FER1L5: variants seen among roughly 807,000 people sequenced by gnomAD.
FER1L5 encodes fer-1 like family member 5, also known as fer-1-like protein 5.
Under a neutral mutation model 279.9 loss-of-function variants are expected in FER1L5, and 187 were observed. The ratio of observed to expected loss-of-function variants is 0.67; its 90% CI spans 0.59 to 0.75. The LOEUF is 0.75. Ranked by LOEUF, FER1L5 falls within the 30% of genes least tolerant of loss-of-function variation. The pLI, the probability that FER1L5 is intolerant of heterozygous loss-of-function variation, is 0.00. For synonymous variants in FER1L5, 921 were observed against 989.7 expected (o/e 0.93, Z 1.30); for missense variants, 2,091 against 2,594.4 (o/e 0.81, Z 4.21).
intron 14 of FER1L5, among the ~76,000 whole-genome samples, chr2:96,668,536 A>G (rs2076209706): frequency 6.6e-6 from 1 of 152,122 alleles, no homozygotes; most frequent in African/African-American, 2.4e-5. Flanking sequence ...CCTGTCTGAA[A>G]CAAAACAAAG....
intron 9 of FER1L5, among the ~76,000 whole-genome samples, chr2:96,658,688 G>C (rs897517707): frequency 3.9e-5 from 6 of 152,026 alleles, no homozygotes; most frequent in Non-Finnish European, 5.9e-5. Flanking sequence ...ACTTGATCTA[G>C]TCCATCTTTT....
chr2:96,645,280 C>T (rs1229734074), intron 1 of FER1L5, among the ~76,000 whole-genome samples: 1 of 152,176 alleles, frequency 6.6e-6, no homozygotes, highest in Admixed American at 6.5e-5. Flanking sequence ...TGGGTAGCTC[C>T]TACAAATGGT....
intron 22 of FER1L5, 23 bp downstream of exon 22, chr2:96,686,140 T>A: frequency 6.5e-7 from 1 of 1,547,438 alleles, no homozygotes. Context: ...CACACTGGCC[T>A]GCAGCAGGGC....
chr2:96,686,004 C>A lies in FER1L5; in HGVS notation c.1960C>A (p.Leu654Ile). 2 of 1,551,440 alleles carry A rather than the reference C, an allele frequency of 1.3e-6. No homozygotes were observed. The highest frequency in any genetic ancestry group is 1.7e-6 in the Non-Finnish European group (2 of 1,146,952). ...ATSLDRKRWQ[L>I]RSLLLQELAQ... Reference sequence around the variant, plus strand: ...CAGCCTGGACAGGAAGAGGTGGCAGCTCCGCAGCCTCCTCCTGCAGGAACT... The same window carrying A: ...CAGCCTGGACAGGAAGAGGTGGCAGATCCGCAGCCTCCTCCTGCAGGAACT... The change falls in exon 22 of 53, where the codon CTC (leucine) becomes ATC (isoleucine). Residue 654 changes from leucine (L) to isoleucine (I), a missense_variant. Leu to Ile is a conservative substitution (Grantham distance 5). Transcript: ENST00000624922.
chr2:96,691,174 G>A lies in FER1L5; in HGVS notation c.2744-16G>A, dbSNP rs532182805. On this transcript the variant is annotated splice_polypyrimidine_tract_variant and intron_variant, in intron 27 of 52. Coordinates refer to ENST00000624922, the MANE Select transcript of FER1L5 (RefSeq NM_001293083.2). The surrounding 1 kb of genome is among the most constrained non-coding windows in gnomAD (Gnocchi z 6.0). ...GGGCACCTGAGGACTCAGAGGCCAT[G>A]GTCCACCCACCGCAGGCTGGGAGTA... The A allele has an allele frequency of 5.8e-6, 9 of 1,539,862 alleles. No homozygotes were observed. Among genetic ancestry groups the A allele is most frequent in the Non-Finnish European group, 7.9e-6 (9 of 1,140,404 alleles).
chr2:96,669,934 G>A (rs1405944632), intron 17 of FER1L5, among the ~76,000 whole-genome samples, 185 bp from the exon 18 acceptor site: 1 of 152,132 alleles, frequency 6.6e-6, no homozygotes, highest in Admixed American at 6.5e-5. Context: ...GTGCAGAAGA[G>A]GGCTCAATGC....
At chr2:96,656,457 C>T (rs1052724940) in intron 9 of FER1L5, among the ~76,000 whole-genome samples, 2 of 152,074 alleles carry the variant, frequency 1.3e-5, no homozygotes, top group Non-Finnish European at 2.9e-5. Context: ...GCCAACATGG[C>T]CATCTCTACT....
Position 96,704,687 on chromosome 2 carries a change from G to T in FER1L5, c.6169G>T (p.Asp2057Tyr). 1 of 1,613,736 alleles carries T rather than the reference G, an allele frequency of 6.2e-7. No homozygotes were observed. ...DIFPELPAPG[D>Y] is the part of the protein sequence containing the mutation. Reference sequence around the variant, plus strand: ...TTTCCCAGAACTTCCAGCCCCAGGAGACTAATTAGTCCATGCTGCCTGGCT... The same window carrying T: ...TTTCCCAGAACTTCCAGCCCCAGGATACTAATTAGTCCATGCTGCCTGGCT... Residue 2057 changes from aspartate (D) to tyrosine (Y), a missense_variant, in exon 53 of 53, where the codon GAC (aspartate) becomes TAC (tyrosine). Coordinates refer to ENST00000624922, the MANE Select transcript of FER1L5 (RefSeq NM_001293083.2).
intron 9 of FER1L5, among the ~76,000 whole-genome samples, chr2:96,659,317 C>CT (rs1558852834): frequency 6.9e-5 from 4 of 57,998 alleles, no homozygotes; most frequent in African/African-American, 2.1e-4. Context: ...TTCCTTCCTT[C>CT]CTTCCTTCCT....
rs1286599905 is a variant in FER1L5 at position 96,669,763 on chromosome 2, C to T, written c.1363-356C>T. 3.3e-5 allele frequency among the ~76,000 whole-genome samples: 5 copies of T among 152,164 alleles called. No homozygotes were observed. In the South Asian group the frequency reaches 6.2e-4, roughly 19 times the overall value. Reference sequence around the variant, plus strand: ...GCCAGGGAAGCATTCTAATTGTCCTCCTTAGGTCATGTGTGCTCCCCGTGG... The same window carrying T: ...GCCAGGGAAGCATTCTAATTGTCCTTCTTAGGTCATGTGTGCTCCCCGTGG... On this transcript the variant is annotated intron_variant, in intron 17 of 52. Coordinates refer to ENST00000624922, the MANE Select transcript of FER1L5 (RefSeq NM_001293083.2).
At chr2:96,695,318 C>G (rs921201352) in intron 34 of FER1L5, 191 bp from the exon 35 acceptor site, 2 of 727,588 alleles carry the variant, frequency 2.7e-6, no homozygotes, top group Non-Finnish European at 4.2e-6. Context: ...CGAGGGCAAG[C>G]ACTGATCCCT....
intron 45 of FER1L5, among the ~76,000 whole-genome samples, chr2:96,701,442 T>C (rs1026653650): frequency 6.6e-6 from 1 of 152,214 alleles, no homozygotes; most frequent in Non-Finnish European, 1.5e-5. Flanking sequence ...AGTTCTCCCC[T>C]TTTCTTTCCT....
chr2:96,662,077 T>G, intron 12 of FER1L5, 138 bp from the exon 13 acceptor site: 1 of 880,828 alleles, frequency 1.1e-6, no homozygotes, highest in Non-Finnish European at 1.8e-6. Context: ...AGGGGCATGG[T>G]GGGAACTGGA....
At chr2:96,700,177 G>A in intron 44 of FER1L5, 97 bp downstream of exon 44, 1 of 1,561,180 alleles carries the variant, frequency 6.4e-7, no homozygotes, top group Non-Finnish European at 8.6e-7. Context: ...GGGAGAAAGG[G>A]GAGGACAAGG....
At position 96,698,129 on chromosome 2, in the gene FER1L5, G is replaced by C. The variant is rs2077451744; in HGVS notation, c.4329G>C (p.Leu1443Phe). The change falls in exon 40 of 53, where the codon TTG becomes TTC. Residue 1443 changes from leucine to phenylalanine, a missense_variant. Leu to Phe is a conservative substitution (Grantham distance 22). Coordinates refer to ENST00000624922, the MANE Select transcript of FER1L5 (RefSeq NM_001293083.2). This position sits in a 1 kb window ranked among gnomAD's most constrained non-coding sequence, Gnocchi z 5.5. Reference protein sequence around the residue: ...TFKLYQEQPKLDSPVVGEFKG... With the variant: ...TFKLYQEQPKFDSPVVGEFKG... ...AACTCTACCAGGAGCAGCCCAAGTT[G>C]GACAGCCCCGTGGTAGGGGAGTTCA... 1 of 1,575,160 alleles carries C rather than the reference G, an allele frequency of 6.3e-7. No individual in the cohort carries two copies. Among genetic ancestry groups the C allele is most frequent in the Non-Finnish European group, 8.6e-7 (1 of 1,160,476 alleles).
chr2:96,687,662 A>G, intron 23 of FER1L5, 154 bp from the exon 24 acceptor site: 1 of 1,207,180 alleles, frequency 8.3e-7, no homozygotes, highest in East Asian at 2.6e-5. Flanking sequence ...ACAGAACTCC[A>G]TGCCATTCAC....
intron 43 of FER1L5, 28 bp downstream of exon 43, chr2:96,699,748 G>C: frequency 6.2e-7 from 1 of 1,611,980 alleles, no homozygotes; most frequent in Non-Finnish European, 8.5e-7. Context: ...TGGGGGAAGG[G>C]AGTCAGGTGG....
intron 19 of FER1L5, among the ~76,000 whole-genome samples, chr2:96,683,566 C>G (rs552721504): frequency 7.1e-4 from 105 of 148,892 alleles, no homozygotes; most frequent in African/African-American, 2.4e-3. Flanking sequence ...GTATGCCTTT[C>G]CGGGGGGGAC....
chr2:96,662,108 A>T (rs1251500176), intron 12 of FER1L5, 107 bp from the exon 13 acceptor site: 2 of 1,123,058 alleles, frequency 1.8e-6, no homozygotes, highest in East Asian at 5.1e-5. Flanking sequence ...CCCAGGGGGC[A>T]CCCCTCTAAA....
Sources: gnomAD v4.1 joint callset for allele counts (sites outside exome capture counted in the v4.1 genomes callset) on GRCh38, gnomAD v4.1.1 for gene constraint, Gnocchi (gnomAD v3.1) non-coding constraint, MANE v1.5 for transcripts, NCBI Gene and HGNC (gene_info 2026-07-23, HGNC 2026-07-21) for gene names.